LYPD6B: variants seen among roughly 807,000 people sequenced by gnomAD.
LYPD6B encodes ly6/PLAUR domain-containing protein 6B.
In LYPD6B, 17 loss-of-function variants were observed where a neutral mutation model predicts 22.8. The ratio of observed to expected loss-of-function variants is 0.75; its 90% CI spans 0.51 to 1.12. The LOEUF (loss-of-function observed/expected upper bound fraction) is 1.12, where lower values mean the gene tolerates loss of function less well. Among genes scored for constraint, LYPD6B ranks in the 50% most tolerant of loss-of-function variants. The pLI is 0.00. For missense variants in LYPD6B, 221 were observed against 258.3 expected (o/e 0.86, Z 0.99); for synonymous variants, 106 against 91.6 (o/e 1.16, Z -0.90).
chr2:149,143,496 C>A, intron 2 of LYPD6B, among the ~76,000 whole-genome samples: 1 of 134,104 alleles, frequency 7.5e-6, no homozygotes, highest in Non-Finnish European at 1.6e-5. Context: ...TGTGTTCTAA[C>A]ATTGCAACAT....
intron 2 of LYPD6B, among the ~76,000 whole-genome samples, chr2:149,153,431 G>A (rs1292297282): frequency 1.3e-5 from 2 of 152,130 alleles, no homozygotes; most frequent in African/African-American, 4.8e-5. Flanking sequence ...GTCAGGATCT[G>A]TTTAAGGCAG....
At chr2:149,148,270 A>G (rs2105811066) in intron 2 of LYPD6B, among the ~76,000 whole-genome samples, 1 of 152,210 alleles carries the variant, frequency 6.6e-6, no homozygotes, top group East Asian at 1.9e-4. Flanking sequence ...TCCCAGGGAA[A>G]AGAAATGCAG....
At chr2:149,202,538 A>G (rs1693229896) in intron 3 of LYPD6B, among the ~76,000 whole-genome samples, 1 of 152,190 alleles carries the variant, frequency 6.6e-6, no homozygotes, top group African/African-American at 2.4e-5. Flanking sequence ...AGCACCTGCT[A>G]TTCACCATCG....
intron 1 of LYPD6B, among the ~76,000 whole-genome samples, chr2:149,104,939 G>C (rs1686400217): frequency 6.6e-6 from 1 of 152,072 alleles, no homozygotes; most frequent in African/African-American, 2.4e-5. Flanking sequence ...ACATAATTAT[G>C]CATATTTATG....
chr2:149,214,909 G>A lies in LYPD6B; in HGVS notation c.*199G>A. 1 of 600,086 alleles carries A rather than the reference G, an allele frequency of 1.7e-6. No homozygotes were observed. Among genetic ancestry groups the A allele is most frequent in the East Asian group, 2.8e-5 (1 of 35,782 alleles). 37.2% of individuals were successfully genotyped at this position (600,086 alleles called of 1,614,324 possible). ...GGACTGAGGATGGGAATTTGGCAGGGCCTGAGAAGATGGTCTGACTTCCAG... is the reference window on the plus strand; with the variant it reads ...GGACTGAGGATGGGAATTTGGCAGGACCTGAGAAGATGGTCTGACTTCCAG... On this transcript the variant is annotated 3_prime_UTR_variant, in exon 7 of 7. Coordinates refer to ENST00000409642, the MANE Select transcript of LYPD6B (RefSeq NM_177964.5).
chr2:149,155,260 C>T (rs1689624461), intron 2 of LYPD6B, among the ~76,000 whole-genome samples: 1 of 152,210 alleles, frequency 6.6e-6, no homozygotes, highest in South Asian at 2.1e-4. Flanking sequence ...CACAATCACC[C>T]TCTGGTTATG....
At chr2:149,138,603 A>G (rs1053532841) in intron 2 of LYPD6B, among the ~76,000 whole-genome samples, 6 of 152,178 alleles carry the variant, frequency 3.9e-5, no homozygotes, top group East Asian at 1.9e-4. Flanking sequence ...GTGCAGTGGT[A>G]TGATTATAGC....
intron 3 of LYPD6B, among the ~76,000 whole-genome samples, chr2:149,173,248 C>T (rs1690980197): frequency 6.7e-6 from 1 of 150,316 alleles, no homozygotes; most frequent in African/African-American, 2.5e-5. Context: ...TGCTAACTAG[C>T]AAGGTCTTGG....
At chr2:149,177,774 C>T (rs1481815627) in intron 3 of LYPD6B, among the ~76,000 whole-genome samples, 1 of 150,882 alleles carries the variant, frequency 6.6e-6, no homozygotes, top group Non-Finnish European at 1.5e-5. Flanking sequence ...GCTGCCCAAA[C>T]AAGAGAGCTC....
chr2:149,175,090 C>T (rs955826332), intron 3 of LYPD6B, among the ~76,000 whole-genome samples: 2 of 105,884 alleles, frequency 1.9e-5, no homozygotes, highest in Non-Finnish European at 4.2e-5. Flanking sequence ...TGTGTGTAGT[C>T]AGGTGTCACT....
intron 1 of LYPD6B, among the ~76,000 whole-genome samples, chr2:149,102,612 G>T (rs191555195): frequency 6.6e-6 from 1 of 152,176 alleles, no homozygotes; most frequent in Non-Finnish European, 1.5e-5. Context: ...TTTTCTGCAA[G>T]GAAGAGTTTG....
At chr2:149,048,864 T>G (rs1044986553) in intron 1 of LYPD6B, among the ~76,000 whole-genome samples, 3 of 152,158 alleles carry the variant, frequency 2.0e-5, no homozygotes, top group Non-Finnish European at 4.4e-5. Context: ...ATTTACACAT[T>G]TCATATGTAT....
At chr2:149,181,468 T>A (rs1355382809) in intron 3 of LYPD6B, among the ~76,000 whole-genome samples, 4 of 150,490 alleles carry the variant, frequency 2.7e-5, no homozygotes, top group Non-Finnish European at 4.4e-5. Flanking sequence ...ATCTCAGAAC[T>A]ACATCAGGCC....
At chr2:149,132,204 G>A (rs1688073839) in intron 2 of LYPD6B, among the ~76,000 whole-genome samples, 1 of 150,866 alleles carries the variant, frequency 6.6e-6, no homozygotes, top group Non-Finnish European at 1.5e-5. Context: ...TTTTTTTGAG[G>A]TTTTGAAAAT....
Position 149,187,306 on chromosome 2 carries a change from C to T in LYPD6B, c.78-17947C>T, listed in dbSNP as rs568124295. 7.0e-5 allele frequency: 72 copies of T among 1,022,222 alleles called. 1 individual carries two copies. The South Asian group carries it at 1.2e-3, about 17-fold the overall frequency. The allele number at this position is 1,022,222 out of a possible 1,614,324, so 63.3% of individuals were successfully genotyped here. A position where few individuals can be genotyped will look rare whatever the true frequency, so the allele number is the denominator to read the frequency against. Reference sequence around the variant, plus strand: ...GTATAAGCCCAGAATTTGAATAATGCACTAAATGAAGTGTATTGCATATAT... The same window carrying T: ...GTATAAGCCCAGAATTTGAATAATGTACTAAATGAAGTGTATTGCATATAT... On this transcript the variant is annotated intron_variant, in intron 3 of 6. Coordinates refer to ENST00000409642, the MANE Select transcript of LYPD6B (RefSeq NM_177964.5).
intron 3 of LYPD6B, among the ~76,000 whole-genome samples, chr2:149,191,841 T>C (rs1249758028): frequency 1.3e-5 from 2 of 152,154 alleles, no homozygotes; most frequent in African/African-American, 2.4e-5. Context: ...TATATCCTAA[T>C]ATACCATGAG....
chr2:149,151,581 C>T (rs780176584), intron 2 of LYPD6B, among the ~76,000 whole-genome samples: 1 of 152,190 alleles, frequency 6.6e-6, no homozygotes, highest in Non-Finnish European at 1.5e-5. Context: ...CTAAGATTCA[C>T]CGCTGCCTTT....
At chr2:149,124,442 G>C (rs1243309453) in intron 1 of LYPD6B, among the ~76,000 whole-genome samples, 3 of 152,088 alleles carry the variant, frequency 2.0e-5, no homozygotes, top group African/African-American at 7.2e-5. Flanking sequence ...TTTTTTGGCA[G>C]GGGTTCTGAA....
chr2:149,113,288 T>G (rs1333189730), intron 1 of LYPD6B, among the ~76,000 whole-genome samples: 1 of 152,162 alleles, frequency 6.6e-6, no homozygotes, highest in Admixed American at 6.6e-5. Flanking sequence ...GGTTGAAGTA[T>G]GTGATCCCCC....
Sources: allele counts gnomAD v4.1 joint callset (sites outside exome capture counted in the v4.1 genomes callset), GRCh38; gene constraint gnomAD v4.1.1; transcripts MANE v1.5; gene names NCBI Gene and HGNC (gene_info 2026-07-23, HGNC 2026-07-21).